PBRM1: variants seen among roughly 807,000 people sequenced by gnomAD.
The protein encoded by PBRM1 is polybromo 1.
Under a neutral mutation model 194.5 loss-of-function variants are expected in PBRM1, and 27 were observed. The ratio of observed to expected loss-of-function variants is 0.14; its 90% confidence interval spans 0.10 to 0.19. PBRM1 has a LOEUF of 0.19. Ranked by LOEUF, PBRM1 falls within the 10% of genes least tolerant of loss-of-function variation. The pLI is 1.00. For synonymous variants in PBRM1, 655 were observed against 693.2 expected (o/e 0.94, Z 0.87); for missense variants, 1,466 against 2,077.2 (o/e 0.71, Z 5.72).
intron 17 of PBRM1, 28 bp from the exon 20 acceptor site, chr3:52,589,283 G>A (rs2153809167): frequency 6.8e-7 from 1 of 1,463,740 alleles, no homozygotes; most frequent in Non-Finnish European, 9.1e-7. Context: ...ATAAATAAAG[G>A]AAAAAGGTAC....
chr3:52,636,138 T>C (rs1213544169), intron 10 of PBRM1, among the ~76,000 whole-genome samples: 1 of 151,982 alleles, frequency 6.6e-6, no homozygotes, highest in Non-Finnish European at 1.5e-5. Flanking sequence ...CCCAAAGTGC[T>C]GGGATTACAG....
At chr3:52,678,567 T>G (rs2154058138) in exon 2 of PBRM1, 1 of 1,613,254 alleles carries the variant, frequency 6.2e-7, no homozygotes, top group Non-Finnish European at 8.5e-7. Flanking sequence ...TAGTCTCGGA[T>G]GGTATTATAG....
chr3:52,674,665 T>TATACAC (rs1342966203), intron 2 of PBRM1, among the ~76,000 whole-genome samples: 2 of 136,824 alleles, frequency 1.5e-5, no homozygotes, highest in African/African-American at 5.7e-5. Flanking sequence ...TATATATATA[T>TATACAC]ACACACACAC....
At chr3:52,649,147 G>C (rs760090220) in intron 6 of PBRM1, among the ~76,000 whole-genome samples, 10 of 152,156 alleles carry the variant, frequency 6.6e-5, no homozygotes, top group Non-Finnish European at 1.5e-4. Context: ...AAACAAAAGA[G>C]GCAGAATCCA....
At chr3:52,642,943 C>T (rs2096159351) in intron 9 of PBRM1, among the ~76,000 whole-genome samples, 1 of 151,954 alleles carries the variant, frequency 6.6e-6, no homozygotes, top group Non-Finnish European at 1.5e-5. Context: ...CCCGCCACCA[C>T]ACCCAGCTAA....
chr3:52,623,408 T>G (rs943909882), intron 13 of PBRM1, among the ~76,000 whole-genome samples: 2 of 152,228 alleles, frequency 1.3e-5, no homozygotes, highest in Non-Finnish European at 1.5e-5. Context: ...AGAGCTTCAG[T>G]TGTGCTTACT....
At chr3:52,679,527 G>A (rs2097168791) in intron 1 of PBRM1, 47 bp downstream of exon 2, 3 of 1,547,756 alleles carry the variant, frequency 1.9e-6, no homozygotes, top group Admixed American at 1.9e-5. Flanking sequence ...GAAGATAGGG[G>A]AATTGTGGGA....
At chr3:52,639,078 G>C (rs1023752221) in intron 10 of PBRM1, among the ~76,000 whole-genome samples, 1 of 150,668 alleles carries the variant, frequency 6.6e-6, no homozygotes, top group African/African-American at 2.4e-5. Context: ...TCCGCCTCCC[G>C]GGTTCAAGCA....
chr3:52,578,347 T>C (rs2090231854), intron 21 of PBRM1, among the ~76,000 whole-genome samples: 1 of 152,248 alleles, frequency 6.6e-6, no homozygotes, highest in African/African-American at 2.4e-5. Flanking sequence ...TTCACTAATG[T>C]ATCCACAGAG....
chr3:52,561,683 A>C, intron 25 of PBRM1, 84 bp downstream of exon 27: 1 of 1,191,724 alleles, frequency 8.4e-7, no homozygotes, highest in Non-Finnish European at 1.2e-6. Context: ...AAGTGGTAAG[A>C]ACAAGAGTAA....
At chr3:52,563,137 T>C (rs1466836446) in intron 24 of PBRM1, 146 bp downstream of exon 26, 5 of 497,554 alleles carry the variant, frequency 1.0e-5, no homozygotes, top group Non-Finnish European at 1.4e-5. Flanking sequence ...GAATAAATCA[T>C]GGCACTGACA....
intron 29 of PBRM1, among the ~76,000 whole-genome samples, chr3:52,549,023 G>GC (rs1303547170): frequency 7.2e-6 from 1 of 138,380 alleles, no homozygotes; most frequent in East Asian, 2.1e-4. Flanking sequence ...AGGTAAAATA[G>GC]TTTTTTTTTT....
chr3:52,674,643 A>AAAAATAT (rs1193129880), intron 2 of PBRM1, among the ~76,000 whole-genome samples: 20 of 72,414 alleles, frequency 2.8e-4, no homozygotes, highest in African/African-American at 7.7e-4. Flanking sequence ...AAAAAAAAAA[A>AAAAATAT]ATATATATAT....
Position 52,609,549 on chromosome 3 carries a change from C to T in PBRM1, c.2331G>A (p.Leu777=). 1 of 1,613,946 alleles carries T rather than the reference C, an allele frequency of 6.2e-7. No individual in the cohort carries two copies. Among genetic ancestry groups the T allele is most frequent in the Non-Finnish European group, 8.5e-7 (1 of 1,179,874 alleles). ...AAAGATTGTGGATAAGCTCTTGAAT[C>T]AGCAAAGTCACATTTGGGACATGAG... The change falls in exon 16 of 30, where the codon CTG becomes CTA. Residue 777 remains leucine (L), a synonymous_variant. Transcript: ENST00000296302. This position sits in a 1 kb window ranked among gnomAD's most constrained non-coding sequence, Gnocchi z 4.1.
chr3:52,583,523 C>T lies in PBRM1; in HGVS notation c.3387+2902G>A, dbSNP rs1487332523. On this transcript the variant is annotated intron_variant, in intron 20 of 29. Transcript: ENST00000296302. The stretch of plus-strand genomic sequence containing the variant: ...TCTTGCCATCCTGTTAGGTATTATA[C>T]AAACTATTAGGTTAACTAATACATG... Among the ~76,000 whole-genome samples, 3 of 151,968 alleles carry T rather than the reference C, an allele frequency of 2.0e-5. No individual in the cohort carries two copies. The East Asian group carries it at 5.8e-4, about 29-fold the overall frequency.
At chr3:52,566,100 C>T (rs1575690721) in intron 22 of PBRM1, among the ~76,000 whole-genome samples, 1 of 152,114 alleles carries the variant, frequency 6.6e-6, no homozygotes, top group East Asian at 1.9e-4. Context: ...CAGCATTCAT[C>T]ATCAGGAAAA....
At chr3:52,615,510 T>C (rs2094906110) in intron 14 of PBRM1, 54 bp from the exon 17 acceptor site, 1 of 1,084,602 alleles carries the variant, frequency 9.2e-7, no homozygotes, top group Non-Finnish European at 1.4e-6. Context: ...CATTAAGGTA[T>C]AAAATGCATC....
chr3:52,668,413 C>T, intron 3 of PBRM1, 85 bp downstream of exon 4: 1 of 945,810 alleles, frequency 1.1e-6, no homozygotes, highest in South Asian at 1.7e-5. Context: ...CTACTACTCA[C>T]CTGCCAGGTT....
chr3:52,659,362 A>G lies in PBRM1; in HGVS notation c.529-1047T>C, dbSNP rs139475918. 9.2e-5 allele frequency among the ~76,000 whole-genome samples: 14 copies of G among 152,318 alleles called. No homozygotes were observed. In the East Asian group the frequency reaches 2.5e-3, roughly 27 times the overall value. ...TAATTTTTTTTCTGGTTTAAATCAT[A>G]AAAGTACTGGTATTGTGTCCTAATC... is the stretch of plus-strand genomic sequence containing the variant. On this transcript the variant is annotated intron_variant, in intron 4 of 29. Transcript: ENST00000296302.
Sources: allele counts gnomAD v4.1 joint callset (sites outside exome capture counted in the v4.1 genomes callset), GRCh38; gene constraint gnomAD v4.1.1; non-coding constraint Gnocchi (gnomAD v3.1); transcripts MANE v1.5; gene names NCBI Gene and HGNC (gene_info 2026-07-23, HGNC 2026-07-21).